ZFP1: variants seen among roughly 807,000 people sequenced by gnomAD.
ZFP1 encodes the protein zinc finger protein 1 homolog.
A neutral mutation model predicts 38.5 loss-of-function variants in ZFP1; 32 were observed. That is an observed-to-expected ratio of 0.83 (90% CI 0.63 to 1.12). ZFP1 has a LOEUF of 1.12. Among genes scored for constraint, ZFP1 ranks in the 50% most tolerant of loss-of-function variants. The pLI, the probability that ZFP1 is intolerant of heterozygous loss-of-function variation, is 0.00. For missense variants in ZFP1, 616 were observed against 480.8 expected, an observed-to-expected ratio of 1.28 and a Z score of -2.63; for synonymous variants, 245 against 168.8, an observed-to-expected ratio of 1.45 and a Z score of -3.50.
Position 75,171,954 on chromosome 16 carries a change from C to G in ZFP1, c.*1620C>G, listed in dbSNP as rs1358796342. 6.6e-6 allele frequency: 1 copy of G among 152,096 alleles called. No individual in the cohort carries two copies. Among genetic ancestry groups the G allele is most frequent in the Non-Finnish European group, 1.5e-5 (1 of 68,012 alleles). The allele number at this position is 152,096 out of a possible 1,614,324, so 9.4% of individuals were successfully genotyped here. The stretch of plus-strand genomic sequence containing the variant: ...CTAGGAATCTCCTGGGAATCTATCC[C>G]TAAGGAATAAAAAGCGCCAGCACTT... On this transcript the variant is annotated 3_prime_UTR_variant, in exon 4 of 4. Coordinates refer to ENST00000570010, the MANE Select transcript of ZFP1 (RefSeq NM_153688.4).
chr16:75,168,258 C>T (rs1230239393), intron 3 of ZFP1, among the ~76,000 whole-genome samples: 2 of 152,306 alleles, frequency 1.3e-5, no homozygotes, highest in Admixed American at 1.3e-4. Flanking sequence ...TAAATTCCCA[C>T]CAACAGTGTA....
the ZFP1 span, among the ~76,000 whole-genome samples, chr16:75,132,983 C>CT: frequency 1.5e-3 from 216 of 140,122 alleles, no homozygotes; most frequent in African/African-American, 4.9e-3. Flanking sequence ...GATTTTTTAA[C>CT]TTTTTTTTTT....
At chr16:75,132,674 C>T in the ZFP1 span, 5 of 50,176 alleles carry the variant, frequency 1.0e-4, no homozygotes, top group South Asian at 4.2e-4. Flanking sequence ...TTTTTTTTTC[C>T]GAGACAGAGT....
At chr16:75,120,499 G>C in the ZFP1 span, among the ~76,000 whole-genome samples, 1 of 149,336 alleles carries the variant, frequency 6.7e-6, no homozygotes, top group African/African-American at 2.5e-5. Flanking sequence ...GTTGTTACCT[G>C]TTTGTGGTTT....
At chr16:75,127,723 A>G in the ZFP1 span, 1 of 152,192 alleles carries the variant, frequency 6.6e-6, no homozygotes, top group African/African-American at 2.4e-5. Context: ...ATGTTCATGA[A>G]TATCAAGCAG....
chr16:75,137,458 A>ATT, the ZFP1 span, among the ~76,000 whole-genome samples: 4 of 34,826 alleles, frequency 1.1e-4, no homozygotes, highest in Admixed American at 4.1e-4. Context: ...TACAAAAAAA[A>ATT]TTCTTTTTTT....
In ZFP1 at chr16:75,171,156, A is replaced by G. The variant is rs2038406912; in HGVS notation, c.*822A>G. ...TCATGCTCTTATTTTCCCGTGGGAT[A>G]TTTGCATACAAATGCATGTCTGTTA... On this transcript the variant is annotated 3_prime_UTR_variant, in exon 4 of 4. Transcript: ENST00000570010. 1 of 152,220 alleles carries G rather than the reference A, an allele frequency of 6.6e-6. No homozygotes were observed. Among genetic ancestry groups the G allele is most frequent in the Non-Finnish European group, 1.5e-5 (1 of 68,042 alleles). 9.4% of individuals were successfully genotyped at this position (152,220 alleles called of 1,614,324 possible).
intron 2 of ZFP1, among the ~76,000 whole-genome samples, chr16:75,154,519 T>TC (rs1188553633): frequency 6.6e-6 from 1 of 151,486 alleles, no homozygotes; most frequent in East Asian, 1.9e-4. Flanking sequence ...CAAACTCCCT[T>TC]CAATGTGGCT....
At chr16:75,159,527 C>T (rs1352035300) in intron 2 of ZFP1, among the ~76,000 whole-genome samples, 1 of 151,492 alleles carries the variant, frequency 6.6e-6, no homozygotes, top group Non-Finnish European at 1.5e-5. Flanking sequence ...CCCACCCCAG[C>T]CTCTTGTGAA....
intron 3 of ZFP1, 86 bp downstream of exon 3, chr16:75,166,982 A>T: frequency 6.5e-7 from 1 of 1,531,640 alleles, no homozygotes; most frequent in Non-Finnish European, 8.8e-7. Context: ...CTTCTGAATT[A>T]CTAAATGTTT....
chr16:75,139,386 A>ACAACAAC, the ZFP1 span, among the ~76,000 whole-genome samples: 107 of 147,704 alleles, frequency 7.2e-4, 1 homozygote, highest in African/African-American at 2.7e-3. Context: ...AAAAAAAAAA[A>ACAACAAC]AAAAAAAAAA....
the ZFP1 span, among the ~76,000 whole-genome samples, chr16:75,135,077 G>T: frequency 6.6e-6 from 1 of 150,514 alleles, no homozygotes; most frequent in Middle Eastern, 3.2e-3. Flanking sequence ...AAAAAAACTA[G>T]CTGGTGCCTG....
rs761708944 is a variant in ZFP1, at chr16:75,170,200, A to G, written c.1090A>G (p.Arg364Gly). Residue 364 changes from arginine to glycine, a missense_variant, in exon 4 of 4, where the codon AGG becomes GGG. Transcript: ENST00000570010. ...CTECGKTFSQ[R>G]STLRLHLRIH... ...TGAGTGCGGCAAAACTTTCAGCCAG[A>G]GGTCAACTCTTAGATTACACTTGCG... is the stretch of plus-strand genomic sequence containing the variant. 6.2e-7 allele frequency: 1 copy of G among 1,614,192 alleles called. No homozygotes were observed. Among genetic ancestry groups the G allele is most frequent in the South Asian group, 1.1e-5 (1 of 91,076 alleles).
chr16:75,166,651 A>G (rs746473504), intron 2 of ZFP1, 119 bp from the exon 3 acceptor site: 4 of 1,551,058 alleles, frequency 2.6e-6, no homozygotes, highest in Non-Finnish European at 3.5e-6. Context: ...AAAACAGTGA[A>G]CAAGATGTAT....
intron 2 of ZFP1, among the ~76,000 whole-genome samples, chr16:75,163,997 G>T (rs980423535): frequency 2.0e-5 from 3 of 152,166 alleles, no homozygotes; most frequent in African/African-American, 7.2e-5. Context: ...TGTTTTGTGT[G>T]GGGTATCCAT....
At chr16:75,131,831 G>C in the ZFP1 span, among the ~76,000 whole-genome samples, 158 of 152,092 alleles carry the variant, frequency 1.0e-3, no homozygotes, top group Middle Eastern at 6.8e-3. Context: ...CGTGTGCAGG[G>C]GCAGACACCT....
chr16:75,124,434 A>G, the ZFP1 span, among the ~76,000 whole-genome samples: 1 of 146,972 alleles, frequency 6.8e-6, no homozygotes, highest in African/African-American at 2.5e-5. Context: ...TGCTGGGATT[A>G]CAGGCGTGAG....
intron 2 of ZFP1, among the ~76,000 whole-genome samples, chr16:75,154,871 C>G (rs906711128): frequency 6.6e-6 from 1 of 152,040 alleles, no homozygotes; most frequent in East Asian, 1.9e-4. Context: ...GATCTTGGCT[C>G]AGTGCAACCT....
At chr16:75,166,521 G>T in intron 2 of ZFP1, 2 of 984,864 alleles carry the variant, frequency 2.0e-6, no homozygotes, top group Non-Finnish European at 2.4e-6. Flanking sequence ...GAGCCACTAT[G>T]CCTGGCCAAT....
Sources: allele counts gnomAD v4.1 joint callset (sites outside exome capture counted in the v4.1 genomes callset), GRCh38; gene constraint gnomAD v4.1.1; transcripts MANE v1.5; gene names NCBI Gene and HGNC (gene_info 2026-07-23, HGNC 2026-07-21).